The following FNBP1L variants were observed in gnomAD, a reference collection of about 807,000 sequenced individuals.
The protein encoded by FNBP1L is formin binding protein 1 like, also known as formin-binding protein 1-like.
In FNBP1L, 36 loss-of-function variants were observed where a neutral mutation model predicts 91.2. That is an observed-to-expected ratio of 0.39 (90% CI 0.30 to 0.52). The LOEUF (loss-of-function observed/expected upper bound fraction) is 0.52, where lower values mean the gene tolerates loss of function less well. FNBP1L is among the 20% of genes least tolerant of loss of function. The pLI is 0.66. For missense variants in FNBP1L, 571 were observed against 732.1 expected (o/e 0.78, Z 2.54); for synonymous variants, 242 against 237.0 (o/e 1.02, Z -0.19).
chr1:93,461,877 G>A (rs574955607), intron 1 of FNBP1L, among the ~76,000 whole-genome samples: 19 of 152,316 alleles, frequency 1.2e-4, no homozygotes, highest in African/African-American at 4.6e-4. Context: ...AAGAAGAGAT[G>A]ACATCTTAAG....
At chr1:93,450,752 T>C (rs143905362) in intron 1 of FNBP1L, among the ~76,000 whole-genome samples, 51 of 152,336 alleles carry the variant, frequency 3.3e-4, no homozygotes, top group African/African-American at 1.2e-3. Context: ...AGTTAATTAT[T>C]GAGAATATGT....
At chr1:93,507,270 T>C (rs1670670617) in intron 2 of FNBP1L, among the ~76,000 whole-genome samples, 1 of 151,084 alleles carries the variant, frequency 6.6e-6, no homozygotes. Flanking sequence ...AGTTAGCTCC[T>C]GATTTATGAC....
At chr1:93,524,055 A>T (rs1309677451) in intron 4 of FNBP1L, among the ~76,000 whole-genome samples, 2 of 152,154 alleles carry the variant, frequency 1.3e-5, no homozygotes, top group Non-Finnish European at 2.9e-5. Flanking sequence ...AAGTGTTAAG[A>T]CAATATCCTA....
In FNBP1L at chr1:93,448,890, C is replaced by T. The variant is rs370308094; in HGVS notation, c.24+585C>T. Reference sequence around the variant, plus strand: ...GGCCTCGGGCCAGCCAGGCCCAGCCCACACGCACATTTCTCTCTCCCTGCC... The same window carrying T: ...GGCCTCGGGCCAGCCAGGCCCAGCCTACACGCACATTTCTCTCTCCCTGCC... On this transcript the variant is annotated intron_variant, in intron 1 of 16. Coordinates refer to ENST00000271234, the MANE Select transcript of FNBP1L (RefSeq NM_001164473.3). Among the ~76,000 whole-genome samples the T allele has an allele frequency of 1.5e-4, 23 of 152,298 alleles. No individual in the cohort carries two copies. In the East Asian group the frequency reaches 1.9e-3, roughly 13 times the overall value.
intron 1 of FNBP1L, among the ~76,000 whole-genome samples, chr1:93,494,594 G>A (rs1056030186): frequency 6.6e-6 from 1 of 152,012 alleles, no homozygotes; most frequent in African/African-American, 2.4e-5. Flanking sequence ...GATTGAAAGG[G>A]GGTTATTATG....
At chr1:93,519,306 C>G (rs1160183138) in intron 2 of FNBP1L, among the ~76,000 whole-genome samples, 1 of 152,180 alleles carries the variant, frequency 6.6e-6, no homozygotes, top group Admixed American at 6.5e-5. Context: ...AACCCACTTA[C>G]AGTTCTTAAA....
intron 8 of FNBP1L, among the ~76,000 whole-genome samples, chr1:93,534,493 AG>A (rs1671783332): frequency 6.6e-6 from 1 of 152,176 alleles, no homozygotes; most frequent in Non-Finnish European, 1.5e-5. Flanking sequence ...AAATTAATTA[AG>A]TTGTAATTTG....
intron 2 of FNBP1L, among the ~76,000 whole-genome samples, chr1:93,515,242 A>G (rs957339364): frequency 5.9e-5 from 9 of 152,116 alleles, no homozygotes; most frequent in South Asian, 2.1e-4. Context: ...TTAGAATGGC[A>G]ATCATTAAAA....
At chr1:93,481,430 A>G (rs958438681) in intron 1 of FNBP1L, among the ~76,000 whole-genome samples, 5 of 152,348 alleles carry the variant, frequency 3.3e-5, no homozygotes, top group Admixed American at 2.0e-4. Flanking sequence ...AAGGAAAACA[A>G]TATTGATGTC....
chr1:93,551,375 G>A (rs1239347217), intron 16 of FNBP1L: 1 of 1,087,194 alleles, frequency 9.2e-7, no homozygotes, highest in African/African-American at 1.6e-5. Flanking sequence ...TTAAGTCTGT[G>A]TGAAGGATTT....
At chr1:93,546,736 C>A in intron 12 of FNBP1L, 106 bp from the exon 13 acceptor site, 2 of 1,193,198 alleles carry the variant, frequency 1.7e-6, no homozygotes, top group Non-Finnish European at 2.4e-6. Context: ...AGATGTGACT[C>A]TACTTAAGAT....
chr1:93,474,414 AG>A (rs1308286134), intron 1 of FNBP1L, among the ~76,000 whole-genome samples: 1 of 152,158 alleles, frequency 6.6e-6, no homozygotes, highest in African/African-American at 2.4e-5. Context: ...GAGGAAAGAG[AG>A]CACAGACAGG....
At position 93,550,999 on chromosome 1, in the gene FNBP1L, AGAG is replaced by A; in HGVS notation, c.1710_1712del (p.Glu570del). ...AAGAAGGTGAAGTTCTCTACATTAT[AGAG>A]GAGGACAAAGGTGACGGATGGACAA... On this transcript the variant is annotated inframe_deletion, in exon 16 of 17. Coordinates refer to ENST00000271234, the MANE Select transcript of FNBP1L (RefSeq NM_001164473.3). 1 of 1,612,518 alleles carries A rather than the reference AGAG, an allele frequency of 6.2e-7. No homozygotes were observed. The highest frequency in any genetic ancestry group is 8.5e-7 in the Non-Finnish European group (1 of 1,179,142).
At chr1:93,533,761 C>T (rs906969166) in intron 8 of FNBP1L, among the ~76,000 whole-genome samples, 2 of 152,084 alleles carry the variant, frequency 1.3e-5, no homozygotes, top group Non-Finnish European at 2.9e-5. Flanking sequence ...AGAATTCTCA[C>T]TTAAATTTAG....
chr1:93,509,052 C>T (rs573392925), intron 2 of FNBP1L, among the ~76,000 whole-genome samples: 2 of 152,174 alleles, frequency 1.3e-5, no homozygotes, highest in African/African-American at 4.8e-5. Flanking sequence ...ATTAATGGAC[C>T]TGGATCAAAT....
intron 1 of FNBP1L, among the ~76,000 whole-genome samples, chr1:93,461,203 G>C (rs1238233042): frequency 1.3e-5 from 2 of 152,102 alleles, no homozygotes; most frequent in Admixed American, 6.5e-5. Flanking sequence ...AAGGAATTTT[G>C]CTTGTTTACG....
chr1:93,507,981 A>G (rs1458604900), intron 2 of FNBP1L, among the ~76,000 whole-genome samples: 1 of 150,308 alleles, frequency 6.7e-6, no homozygotes, highest in Non-Finnish European at 1.5e-5. Flanking sequence ...TTATGAAAGC[A>G]TTATATGATC....
chr1:93,527,167 G>A (rs774469610), intron 5 of FNBP1L, among the ~76,000 whole-genome samples: 6 of 152,148 alleles, frequency 3.9e-5, no homozygotes, highest in Admixed American at 2.6e-4. Flanking sequence ...CTATCTGGTT[G>A]TAACTGTATT....
At chr1:93,482,479 C>T (rs570108699) in intron 1 of FNBP1L, among the ~76,000 whole-genome samples, 34 of 152,186 alleles carry the variant, frequency 2.2e-4, no homozygotes, top group African/African-American at 7.0e-4. Context: ...GTATAAGGTT[C>T]GCTCTAGTGC....
Sources: allele counts gnomAD v4.1 joint callset (sites outside exome capture counted in the v4.1 genomes callset), GRCh38; gene constraint gnomAD v4.1.1; transcripts MANE v1.5; gene names NCBI Gene and HGNC (gene_info 2026-07-23, HGNC 2026-07-21).